Variants in ADGRG7 observed in about 807,000 individuals in gnomAD.
The protein encoded by ADGRG7 is adhesion G protein-coupled receptor G7, also known as G-protein coupled receptor 128.
Under a neutral mutation model 88.6 loss-of-function variants are expected in ADGRG7, and 82 were observed. The ratio of observed to expected loss-of-function variants is 0.93; its 90% confidence interval spans 0.77 to 1.11. ADGRG7 has a LOEUF of 1.11. Ranked by LOEUF, ADGRG7 falls within the 50% of genes most tolerant of loss-of-function variation. The pLI is 0.00. For missense variants in ADGRG7, 945 were observed against 953.4 expected (o/e 0.99, Z 0.12); for synonymous variants, 381 against 345.2 (o/e 1.10, Z -1.15).
At chr3:100,635,428 C>T (rs888112420) in intron 4 of ADGRG7, 4 of 575,874 alleles carry the variant, frequency 6.9e-6, no homozygotes, top group African/African-American at 5.7e-5. Flanking sequence ...ACTCTAGTAG[C>T]CCCAATCTAG....
rs1325937976 is a variant in ADGRG7, at chr3:100,684,121, T to C, written c.2137-10623T>C. Reference sequence around the variant, plus strand: ...TACCAACTTCTAGTTTGTTTTTATTTGATTTTATCTAATTTATTTATGCTA... The same window carrying C: ...TACCAACTTCTAGTTTGTTTTTATTCGATTTTATCTAATTTATTTATGCTA... On this transcript the variant is annotated intron_variant, in intron 15 of 15. Coordinates refer to ENST00000273352, the MANE Select transcript of ADGRG7 (RefSeq NM_032787.3). Among the ~76,000 whole-genome samples, 3 of 152,066 alleles carry C rather than the reference T, an allele frequency of 2.0e-5. No homozygotes were observed. The East Asian group carries it at 5.8e-4, about 29-fold the overall frequency.
chr3:100,623,461 A>G (rs1042601361), intron 1 of ADGRG7, among the ~76,000 whole-genome samples: 1 of 152,008 alleles, frequency 6.6e-6, no homozygotes, highest in Non-Finnish European at 1.5e-5. Context: ...TCCTGTCTTG[A>G]TTGCTATGGC....
rs16842529 is a variant in ADGRG7, at chr3:100,659,797, A to T, written c.1933A>T (p.Thr645Ser). ...ILISNVVMFI[T>S]ISIKVLWKNN... ...CATCAGCAATGTTGTTATGTTTATT[A>T]CAATCTCGATCAAAGTGCTGTGGAA... The change falls in exon 14 of 16, where the codon ACA becomes TCA. Residue 645 changes from threonine (T) to serine (S), a missense_variant. Transcript: ENST00000273352. 975 of 1,613,996 alleles carry T rather than the reference A, an allele frequency of 6.0e-4. 3 individuals carry two copies. The African/African-American group carries it at 0.012, about 19-fold the overall frequency.
chr3:100,630,118 T>C (rs990779179), intron 2 of ADGRG7, among the ~76,000 whole-genome samples: 1 of 152,186 alleles, frequency 6.6e-6, no homozygotes, highest in African/African-American at 2.4e-5. Flanking sequence ...TATATACTTA[T>C]ATTAAATTTT....
At chr3:100,687,875 G>A (rs966705434) in intron 15 of ADGRG7, among the ~76,000 whole-genome samples, 1 of 152,166 alleles carries the variant, frequency 6.6e-6, no homozygotes, top group African/African-American at 2.4e-5. Context: ...TTGGTATCAG[G>A]ATGATGCTGG....
rs774731532 is a variant in ADGRG7 at position 100,649,803 on chromosome 3, A to T, written c.1375A>T (p.Thr459Ser). Residue 459 changes from threonine (T) to serine (S), a missense_variant, in exon 11 of 16, where the codon ACC (threonine) becomes TCC (serine). Thr to Ser is a moderately conservative substitution (Grantham distance 58). Transcript: ENST00000273352. ...LALTVIFQIV[T>S]RKVRKTSVTW... is the part of the protein sequence containing the mutation. ...TCTCACAGTTATATTTCAGATTGTC[A>T]CCAGGTAAGAGCAGAAGCAGGCTCT... 1.9e-6 allele frequency: 3 copies of T among 1,564,414 alleles called. No homozygotes were observed. In the South Asian group the frequency reaches 3.4e-5, roughly 18 times the overall value.
At chr3:100,646,527 G>C (rs745696260) in intron 9 of ADGRG7, 42 bp from the exon 10 acceptor site, 1 of 1,525,836 alleles carries the variant, frequency 6.6e-7, no homozygotes, top group South Asian at 1.2e-5. Flanking sequence ...ACCCAATTAA[G>C]TATTTAGAAA....
chr3:100,659,609 G>A (rs530382727), intron 13 of ADGRG7, 79 bp from the exon 14 acceptor site: 2 of 1,226,662 alleles, frequency 1.6e-6, no homozygotes, highest in South Asian at 2.9e-5. Context: ...TTGAGTGAAT[G>A]TCAATAGTGT....
At chr3:100,637,579 G>C (rs1012663704) in intron 6 of ADGRG7, 177 bp downstream of exon 6, 2 of 568,092 alleles carry the variant, frequency 3.5e-6, no homozygotes, top group Non-Finnish European at 6.3e-6. Flanking sequence ...AGATGGAGTG[G>C]TATATGTTAC....
At chr3:100,611,859 C>T (rs1707159012) in intron 1 of ADGRG7, among the ~76,000 whole-genome samples, 1 of 152,230 alleles carries the variant, frequency 6.6e-6, no homozygotes. Flanking sequence ...TTTCACTTCA[C>T]TCCACTCCAC....
At chr3:100,673,051 G>C (rs912826634) in intron 15 of ADGRG7, among the ~76,000 whole-genome samples, 22 of 152,056 alleles carry the variant, frequency 1.4e-4, no homozygotes, top group Non-Finnish European at 5.9e-5. Context: ...CTAGGTTTTG[G>C]AATCAGGATG....
Position 100,684,257 on chromosome 3 carries a change from C to T in ADGRG7, c.2137-10487C>T, listed in dbSNP as rs9836158. Among the ~76,000 whole-genome samples the T allele has an allele frequency of 1.5e-4, 22 of 145,340 alleles. No individual in the cohort carries two copies. The East Asian group carries it at 3.3e-3, about 22-fold the overall frequency. On this transcript the variant is annotated intron_variant, in intron 15 of 15. Transcript: ENST00000273352. ...TTTTCTCATAGTTTTTCCATTTTAT[C>T]TATTTATTTATTTATTTATTTATTG...
At chr3:100,626,069 G>A (rs978385625) in intron 1 of ADGRG7, among the ~76,000 whole-genome samples, 10 of 152,190 alleles carry the variant, frequency 6.6e-5, no homozygotes, top group African/African-American at 2.4e-4. Flanking sequence ...GTTTGGAATA[G>A]TTTCACAAGG....
chr3:100,695,307 C>A lies in ADGRG7; in HGVS notation c.*306C>A, dbSNP rs1242466818. 3 of 264,204 alleles carry A rather than the reference C, an allele frequency of 1.1e-5. No homozygotes were observed. The highest frequency in any genetic ancestry group is 2.1e-5 in the Non-Finnish European group (3 of 140,034). 16.4% of individuals were successfully genotyped at this position (264,204 alleles called of 1,614,324 possible). On this transcript the variant is annotated 3_prime_UTR_variant, in exon 16 of 16. Coordinates refer to ENST00000273352, the MANE Select transcript of ADGRG7 (RefSeq NM_032787.3). Reference sequence around the variant, plus strand: ...AAAAATGTAGAACCTATAACAAATTCTTTTACAAGTTACTATAAAGGACAC... The same window carrying A: ...AAAAATGTAGAACCTATAACAAATTATTTTACAAGTTACTATAAAGGACAC...
chr3:100,688,062 A>T (rs954547008), intron 15 of ADGRG7, among the ~76,000 whole-genome samples: 1 of 152,060 alleles, frequency 6.6e-6, no homozygotes, highest in Non-Finnish European at 1.5e-5. Context: ...AGAGCCTGTT[A>T]TTGGTCTATT....
intron 15 of ADGRG7, among the ~76,000 whole-genome samples, chr3:100,689,994 C>T (rs1193833578): frequency 2.0e-5 from 3 of 152,168 alleles, no homozygotes; most frequent in Admixed American, 6.5e-5. Flanking sequence ...CCTTTCTCCC[C>T]GTCACTTTCA....
intron 15 of ADGRG7, among the ~76,000 whole-genome samples, chr3:100,687,818 G>C (rs1442094571): frequency 1.3e-5 from 2 of 152,124 alleles, no homozygotes; most frequent in Non-Finnish European, 1.5e-5. Flanking sequence ...TGTTCATCAG[G>C]GATATTGGTC....
chr3:100,674,951 C>T (rs962365160), intron 15 of ADGRG7, among the ~76,000 whole-genome samples: 2 of 152,114 alleles, frequency 1.3e-5, no homozygotes, highest in African/African-American at 2.4e-5. Flanking sequence ...ATTTTGTATC[C>T]TGCAACTTTA....
intron 14 of ADGRG7, among the ~76,000 whole-genome samples, chr3:100,666,565 A>G (rs1194056517): frequency 1.3e-5 from 2 of 152,172 alleles, no homozygotes; most frequent in African/African-American, 4.8e-5. Flanking sequence ...GGACCGTACA[A>G]TCGGGTTTTA....
Sources: allele counts gnomAD v4.1 joint callset (sites outside exome capture counted in the v4.1 genomes callset), GRCh38; gene constraint gnomAD v4.1.1; transcripts MANE v1.5; gene names NCBI Gene and HGNC (gene_info 2026-07-23, HGNC 2026-07-21).